SHROOM1: variants seen among roughly 807,000 people sequenced by gnomAD.
The protein encoded by SHROOM1 is protein Shroom1.
SHROOM1 carries 53 observed loss-of-function variants against 64.2 expected under a neutral mutation model. The observed-to-expected ratio is 0.83, with a 90% confidence interval of 0.66 to 1.04. The LOEUF is 1.04. Among genes scored for constraint, SHROOM1 ranks in the 50% least tolerant of loss-of-function variants. The probability of loss-of-function intolerance (pLI) is 0.00; values close to 1 mark genes in which losing one functional copy is unlikely to be tolerated. For missense variants in SHROOM1, 1,179 were observed against 1,163.2 expected (o/e 1.01, Z -0.20); for synonymous variants, 490 against 518.9 (o/e 0.94, Z 0.76).
chr5:132,822,484 C>T lies in SHROOM1; in HGVS notation c.*312G>A. The T allele has an allele frequency of 4.1e-6, 1 of 243,184 alleles. No homozygotes were observed. Among genetic ancestry groups the T allele is most frequent in the Admixed American group, 5.3e-5 (1 of 18,942 alleles). The allele number at this position is 243,184 out of a possible 1,614,324, so 15.1% of individuals were successfully genotyped here. A position where few individuals can be genotyped will look rare whatever the true frequency, so the allele number is the denominator to read the frequency against. On this transcript the variant is annotated 3_prime_UTR_variant, in exon 10 of 10. Coordinates refer to ENST00000378679, the MANE Select transcript of SHROOM1 (RefSeq NM_001172700.2). ...GTTCACGCCATTCTCCTGCCTCAGC[C>T]TTCCGAGTAGCTGGCAATACAGGCA...
chr5:132,823,310 G>GC lies in SHROOM1; in HGVS notation c.2165dup (p.Leu723ProfsTer18). 6.2e-7 allele frequency: 1 copy of GC among 1,602,904 alleles called. No homozygotes were observed. Among genetic ancestry groups the GC allele is most frequent in the Admixed American group, 1.7e-5 (1 of 59,928 alleles). On this transcript the variant is annotated frameshift_variant, in exon 9 of 10. Coordinates refer to ENST00000378679, the MANE Select transcript of SHROOM1 (RefSeq NM_001172700.2). LOFTEE classifies it high-confidence loss of function. This position sits in a 1 kb window ranked among gnomAD's most constrained non-coding sequence, Gnocchi z 4.6. ...CCAGGGCGCGGCGCACGCGCGCCAG[G>GC]CGACTGCCCAGCAGCAGCAGAAGGC...
chr5:132,830,494 G>A lies in SHROOM1; in HGVS notation c.-501+100C>T. On this transcript the variant is annotated intron_variant, in intron 1 of 9. Transcript: ENST00000378679. The surrounding 1 kb of genome is among the most constrained non-coding windows in gnomAD (Gnocchi z 5.9). ...CGGGCTGCCCCGCGACCACCGCCTCGCCGCCCGCTCTTCACCCCCGTCCGC... is the reference window on the plus strand; with the variant it reads ...CGGGCTGCCCCGCGACCACCGCCTCACCGCCCGCTCTTCACCCCCGTCCGC... 1 of 984,942 alleles carries A rather than the reference G, an allele frequency of 1.0e-6. No individual in the cohort carries two copies. Among genetic ancestry groups the A allele is most frequent in the South Asian group, 4.6e-5 (1 of 21,614 alleles). 61.0% of individuals were successfully genotyped at this position (984,942 alleles called of 1,614,324 possible).
chr5:132,824,273 A>G lies in SHROOM1; in HGVS notation c.1388T>C (p.Ile463Thr). Reference protein sequence around the residue: ...CWQGVNGSVGISRPTSHTPTG... With the variant: ...CWQGVNGSVGTSRPTSHTPTG... Reference sequence around the variant, plus strand: ...GGGGGTGTGGCTTGTGGGCCTGGAAATACCTACAGAACCATTCACCCCCTG... The same window carrying G: ...GGGGGTGTGGCTTGTGGGCCTGGAAGTACCTACAGAACCATTCACCCCCTG... The change falls in exon 7 of 10, where the codon ATT (isoleucine) becomes ACT (threonine). Residue 463 changes from isoleucine (I) to threonine (T), a missense_variant. Physicochemically the swap from Ile to Thr is moderately conservative, Grantham distance 89. Coordinates refer to ENST00000378679, the MANE Select transcript of SHROOM1 (RefSeq NM_001172700.2). 6.2e-7 allele frequency: 1 copy of G among 1,613,910 alleles called. No individual in the cohort carries two copies.
chr5:132,826,054 C>T lies in SHROOM1; in HGVS notation c.87G>A (p.Ala29=). ...SLDLWHLSMR[A]DSAYSSFSAA... ...CGGAGAAAGAGCTGTAGGCCGAGTC[C>T]GCGCGCATGGACAGATGCCACAGGT... is the stretch of plus-strand genomic sequence containing the variant. The change falls in exon 4 of 10, where the codon GCG becomes GCA. Residue 29 remains alanine, a synonymous_variant. Transcript: ENST00000378679. 1 of 1,497,074 alleles carries T rather than the reference C, an allele frequency of 6.7e-7. No homozygotes were observed. The highest frequency in any genetic ancestry group is 8.9e-7 in the Non-Finnish European group (1 of 1,125,968). The allele number at this position is 1,497,074 out of a possible 1,614,324, so 92.7% of individuals were successfully genotyped here. A position where few individuals can be genotyped will look rare whatever the true frequency, so the allele number is the denominator to read the frequency against.
rs1758806331 is a variant in SHROOM1, at chr5:132,830,251, G to A, written c.-501+343C>T. ...GACCCGGCTTCTCCAGATGCTTGGC[G>A]ACAAAGGGCAGGAGCGGAGGGTGGC... On this transcript the variant is annotated intron_variant, in intron 1 of 9. Transcript: ENST00000378679. The surrounding 1 kb of genome is among the most constrained non-coding windows in gnomAD (Gnocchi z 5.9). 1.0e-6 allele frequency: 1 copy of A among 985,212 alleles called. No individual in the cohort carries two copies. Among genetic ancestry groups the A allele is most frequent in the African/African-American group, 1.7e-5 (1 of 57,232 alleles). 61.0% of individuals were successfully genotyped at this position (985,212 alleles called of 1,614,324 possible). A position where few individuals can be genotyped will look rare whatever the true frequency, so the allele number is the denominator to read the frequency against.
At position 132,825,359 on chromosome 5, in the gene SHROOM1, TG is replaced by T. The variant is rs1435530895; in HGVS notation, c.781del (p.Gln261SerfsTer25). 1.2e-6 allele frequency: 2 copies of T among 1,600,164 alleles called. No homozygotes were observed. Among genetic ancestry groups the T allele is most frequent in the African/African-American group, 2.7e-5 (2 of 74,876 alleles). On this transcript the variant is annotated frameshift_variant, in exon 4 of 10. Transcript: ENST00000378679. LOFTEE classifies it high-confidence loss of function. The surrounding 1 kb of genome is among the most constrained non-coding windows in gnomAD (Gnocchi z 5.1). ...GLPGPEPLEF[Q>X]HPALAKFEDH... is the part of the protein sequence containing the mutation. ...TTCAAACTTAGCCAGCGCCGGATGCTGGAACTCCAAGGGCTCGGGCCCAGGG... is the reference window on the plus strand; with the variant it reads ...TTCAAACTTAGCCAGCGCCGGATGCTGAACTCCAAGGGCTCGGGCCCAGGG...
intron 2 of SHROOM1, 148 bp downstream of exon 2, chr5:132,827,313 T>A (rs1668815711): frequency 3.3e-5 from 5 of 152,414 alleles, no homozygotes; most frequent in Admixed American, 3.3e-4. Flanking sequence ...GTCCCTGGCA[T>A]ACAGTCAATG....
Position 132,822,869 on chromosome 5 carries a change from G to T in SHROOM1, c.2486C>A (p.Pro829Gln). The change falls in exon 10 of 10, where the codon CCG becomes CAG. Residue 829 changes from proline (P) to glutamine (Q), a missense_variant. Transcript: ENST00000378679. The stretch of plus-strand genomic sequence containing the variant: ...TGGGGGCCGCGCCGGGCTGGGAGAC[G>T]GGGCATGATGGCCAAGGTCGTCCCT... Reference protein sequence around the residue: ...AIRDDLGHHAPSPSPARPPGT... With the variant: ...AIRDDLGHHAQSPSPARPPGT... The T allele has an allele frequency of 1.9e-6, 3 of 1,613,506 alleles. No individual in the cohort carries two copies. The highest frequency in any genetic ancestry group is 1.1e-5 in the South Asian group (1 of 91,064).
In SHROOM1 at chr5:132,822,802, AAGG is replaced by A. The variant is rs1326124284; in HGVS notation, c.2550_2552del (p.Leu851del). On this transcript the variant is annotated inframe_deletion, in exon 10 of 10. Coordinates refer to ENST00000378679, the MANE Select transcript of SHROOM1 (RefSeq NM_001172700.2). ...CCACCCTCTCCACCTATAACTATGT[AAGG>A]AGAAGAGGGAAGGGCGGCTGAACTG... 8 of 1,601,832 alleles carry A rather than the reference AAGG, an allele frequency of 5.0e-6. No homozygotes were observed. The highest frequency in any genetic ancestry group is 1.3e-5 in the African/African-American group (1 of 74,748).
chr5:132,823,589 C>T lies in SHROOM1; in HGVS notation c.1953+34G>A. On this transcript the variant is annotated intron_variant, in intron 8 of 9. Transcript: ENST00000378679. The surrounding 1 kb of genome is among the most constrained non-coding windows in gnomAD (Gnocchi z 4.6). ...CCTGCCCAGGCTCTGGGCTCCTACC[C>T]ACCCCCAGCCTCCACCAGCCCTTCT... The T allele has an allele frequency of 2.6e-6, 4 of 1,566,740 alleles. No homozygotes were observed. The highest frequency in any genetic ancestry group is 3.5e-6 in the Non-Finnish European group (4 of 1,153,418).
chr5:132,825,461 C>T lies in SHROOM1; in HGVS notation c.680G>A (p.Gly227Glu), dbSNP rs747765198. 8 of 1,573,860 alleles carry T rather than the reference C, an allele frequency of 5.1e-6. No individual in the cohort carries two copies. Among genetic ancestry groups the T allele is most frequent in the South Asian group, 4.5e-5 (4 of 88,752 alleles). The change falls in exon 4 of 10, where the codon GGA becomes GAA. Residue 227 changes from glycine (G) to glutamate (E), a missense_variant. Coordinates refer to ENST00000378679, the MANE Select transcript of SHROOM1 (RefSeq NM_001172700.2). The surrounding 1 kb of genome is among the most constrained non-coding windows in gnomAD (Gnocchi z 5.1). ...GCCCCGACCCACACGATCCAGCTTT[C>T]CTGGCTCTGAGAAGCACCACTTCCG... ...QQRKWCFSEP[G>E]KLDRVGRGGG...
chr5:132,825,621 T>G lies in SHROOM1; in HGVS notation c.520A>C (p.Thr174Pro), dbSNP rs1758658420. 7.4e-7 allele frequency: 1 copy of G among 1,350,744 alleles called. No homozygotes were observed. The highest frequency in any genetic ancestry group is 9.4e-7 in the Non-Finnish European group (1 of 1,058,554). The allele number at this position is 1,350,744 out of a possible 1,614,324, so 83.7% of individuals were successfully genotyped here. A position where few individuals can be genotyped will look rare whatever the true frequency, so the allele number is the denominator to read the frequency against. ...GTCGCCGGGGGCCGCGCTGGGACAG[T>G]GGGCCGCAGACGGGCGGGCAGGCTC... Reference protein sequence around the residue: ...RMSLPARLRPTVPARPPATHP... With the variant: ...RMSLPARLRPPVPARPPATHP... The change falls in exon 4 of 10, where the codon ACT becomes CCT. Residue 174 changes from threonine (T) to proline (P), a missense_variant. Coordinates refer to ENST00000378679, the MANE Select transcript of SHROOM1 (RefSeq NM_001172700.2). The surrounding 1 kb of genome is among the most constrained non-coding windows in gnomAD (Gnocchi z 5.1).
rs1346900027 is a variant in SHROOM1 at position 132,823,424 on chromosome 5, C to G, written c.2052G>C (p.Ala684=). The change falls in exon 9 of 10, where the codon GCG becomes GCC. Residue 684 remains alanine (A), a synonymous_variant. Transcript: ENST00000378679. This position sits in a 1 kb window ranked among gnomAD's most constrained non-coding sequence, Gnocchi z 4.6. ...GEAQAWARRQ[A]ALEAAVRQAC... ...CCTGGCGCACTGCAGCCTCCAGAGC[C>G]GCTTGGCGCCTGGCCCACGCTTGTG... 1.9e-6 allele frequency: 3 copies of G among 1,611,696 alleles called. No homozygotes were observed. Among genetic ancestry groups the G allele is most frequent in the Non-Finnish European group, 8.5e-7 (1 of 1,179,796 alleles).
In SHROOM1 at chr5:132,830,022, C is replaced by G. The variant is rs1268584456; in HGVS notation, c.-501+572G>C. ...GAGGCGGCCGCGGGCGTGGACAGACCCGGTTACCTGGGGTTCAATCTCTGG... is the reference window on the plus strand; with the variant it reads ...GAGGCGGCCGCGGGCGTGGACAGACGCGGTTACCTGGGGTTCAATCTCTGG... On this transcript the variant is annotated intron_variant, in intron 1 of 9. Coordinates refer to ENST00000378679, the MANE Select transcript of SHROOM1 (RefSeq NM_001172700.2). This position sits in a 1 kb window ranked among gnomAD's most constrained non-coding sequence, Gnocchi z 5.9. 3.0e-6 allele frequency: 3 copies of G among 985,376 alleles called. No homozygotes were observed. The East Asian group carries it at 3.4e-4, about 112-fold the overall frequency. 61.0% of individuals were successfully genotyped at this position (985,376 alleles called of 1,614,324 possible).
Position 132,830,558 on chromosome 5 carries a change from C to T in SHROOM1, c.-501+36G>A. 1 of 984,934 alleles carries T rather than the reference C, an allele frequency of 1.0e-6. No homozygotes were observed. The highest frequency in any genetic ancestry group is 1.2e-6 in the Non-Finnish European group (1 of 829,288). 61.0% of individuals were successfully genotyped at this position (984,934 alleles called of 1,614,324 possible). ...GGCCTCCCGGGGGAAGCGGACCCAGCCGCCCGCTTCCCGCTCCCCCGCCCC... is the reference window on the plus strand; with the variant it reads ...GGCCTCCCGGGGGAAGCGGACCCAGTCGCCCGCTTCCCGCTCCCCCGCCCC... On this transcript the variant is annotated intron_variant, in intron 1 of 9. Transcript: ENST00000378679. The surrounding 1 kb of genome is among the most constrained non-coding windows in gnomAD (Gnocchi z 5.9).
chr5:132,823,418 C>G lies in SHROOM1; in HGVS notation c.2058G>C (p.Leu686=). ...CACAGGCCTGGCGCACTGCAGCCTCCAGAGCCGCTTGGCGCCTGGCCCACG... is the reference window on the plus strand; with the variant it reads ...CACAGGCCTGGCGCACTGCAGCCTCGAGAGCCGCTTGGCGCCTGGCCCACG... ...AQAWARRQAA[L]EAAVRQACAP... is the part of the protein sequence containing the mutation. The change falls in exon 9 of 10, where the codon CTG becomes CTC. Residue 686 remains leucine (L), a synonymous_variant. Coordinates refer to ENST00000378679, the MANE Select transcript of SHROOM1 (RefSeq NM_001172700.2). This position sits in a 1 kb window ranked among gnomAD's most constrained non-coding sequence, Gnocchi z 4.6. 1.2e-6 allele frequency: 2 copies of G among 1,611,548 alleles called. No individual in the cohort carries two copies. The highest frequency in any genetic ancestry group is 1.7e-6 in the Non-Finnish European group (2 of 1,179,808).
In SHROOM1 at chr5:132,823,044, G is replaced by A; in HGVS notation, c.2311C>T (p.Arg771Trp). Residue 771 changes from arginine to tryptophan, a missense_variant, in exon 10 of 10, where the codon CGG becomes TGG. By Grantham distance (101) the Arg-to-Trp change is moderately radical. Coordinates refer to ENST00000378679, the MANE Select transcript of SHROOM1 (RefSeq NM_001172700.2). This position sits in a 1 kb window ranked among gnomAD's most constrained non-coding sequence, Gnocchi z 4.6. The part of the protein sequence containing the change: ...ELKEHVARRE[R>W]AVREVLVRAL... ...CGCACCAGCACCTCCCGCACGGCCC[G>A]CTCGCGCCGCGCTACGTGCTCCTTC... The A allele has an allele frequency of 6.3e-7, 1 of 1,597,946 alleles. No homozygotes were observed. Among genetic ancestry groups the A allele is most frequent in the Non-Finnish European group, 8.5e-7 (1 of 1,178,578 alleles).
In SHROOM1 at chr5:132,824,763, G is replaced by T. The variant is rs763026847; in HGVS notation, c.1093C>A (p.Pro365Thr). 43 of 1,614,096 alleles carry T rather than the reference G, an allele frequency of 2.7e-5. No individual in the cohort carries two copies. The South Asian group carries it at 4.6e-4, about 17-fold the overall frequency. Residue 365 changes from proline to threonine, a missense_variant, in exon 6 of 10, where the codon CCT becomes ACT. Coordinates refer to ENST00000378679, the MANE Select transcript of SHROOM1 (RefSeq NM_001172700.2). ...GAGACCCTCTGTTCACTGTCAGCAG[G>T]GCTGCTCTGGGGTAACTCTGCAGGA... ...MYPAELPQSS[P>T]ADSEQRVSET...
intron 1 of SHROOM1, among the ~76,000 whole-genome samples, chr5:132,829,217 C>T (rs1758784003): frequency 3.3e-5 from 5 of 152,188 alleles, no homozygotes; most frequent in Admixed American, 3.3e-4. Flanking sequence ...ATACTTGTCA[C>T]CTGAATGAAG....
Sources: gnomAD v4.1 joint callset for allele counts (sites outside exome capture counted in the v4.1 genomes callset) on GRCh38, gnomAD v4.1.1 for gene constraint, Gnocchi (gnomAD v3.1) non-coding constraint, MANE v1.5 for transcripts, NCBI Gene and HGNC (gene_info 2026-07-23, HGNC 2026-07-21) for gene names.